The following BCL2 variants were observed in gnomAD, a reference collection of about 807,000 sequenced individuals.
BCL2 encodes the protein apoptosis regulator Bcl-2.
A neutral mutation model predicts 14.2 loss-of-function variants in BCL2; 1 was observed. The ratio of observed to expected loss-of-function variants is 0.07; its 90% CI spans 0.02 to 0.33. The LOEUF (loss-of-function observed/expected upper bound fraction) is 0.33. BCL2 is among the 10% of genes least tolerant of loss of function. The probability of loss-of-function intolerance (pLI) is 0.99; values close to 1 mark genes in which losing one functional copy is unlikely to be tolerated. For missense variants in BCL2, 247 were observed against 305.9 expected, an observed-to-expected ratio of 0.81 and a Z score of 1.44; for synonymous variants, 151 against 137.2, an observed-to-expected ratio of 1.10 and a Z score of -0.70.
intron 2 of BCL2, among the ~76,000 whole-genome samples, chr18:63,186,015 G>C (rs1915586527): frequency 1.3e-5 from 2 of 152,358 alleles, no homozygotes; most frequent in Admixed American, 1.3e-4. Flanking sequence ...GGGAGTGGTT[G>C]TTTGATATGG....
chr18:63,203,205 T>C (rs149713860), intron 2 of BCL2, among the ~76,000 whole-genome samples: 91 of 152,290 alleles, frequency 6.0e-4, no homozygotes, highest in African/African-American at 2.2e-3. Flanking sequence ...TCTGCATCCA[T>C]TGCGGGAGGG....
intron 2 of BCL2, among the ~76,000 whole-genome samples, chr18:63,204,184 C>G (rs1457238521): frequency 6.6e-6 from 1 of 152,146 alleles, no homozygotes; most frequent in Non-Finnish European, 1.5e-5. Context: ...TCTGCAATAC[C>G]AAAAGACTGG....
intron 2 of BCL2, among the ~76,000 whole-genome samples, chr18:63,281,666 C>CAGAA (rs11271898): frequency 0.04 from 3,520 of 88,246 alleles, 119 homozygotes; most frequent in African/African-American, 0.064. Flanking sequence ...GACCTTGTCT[C>CAGAA]AGAAAGAAAG....
chr18:63,155,810 C>G (rs984480459), intron 2 of BCL2, among the ~76,000 whole-genome samples: 1 of 152,104 alleles, frequency 6.6e-6, no homozygotes, highest in African/African-American at 2.4e-5. Flanking sequence ...CACCTTGAAC[C>G]CTCTCCTTTC....
At chr18:63,309,187 C>T (rs561921628) in intron 2 of BCL2, among the ~76,000 whole-genome samples, 1 of 152,248 alleles carries the variant, frequency 6.6e-6, no homozygotes, top group Admixed American at 6.5e-5. Flanking sequence ...AAACAACAGT[C>T]GCAAACTAAG....
chr18:63,249,343 C>A (rs1304367199), intron 2 of BCL2, among the ~76,000 whole-genome samples: 1 of 152,220 alleles, frequency 6.6e-6, no homozygotes, highest in Non-Finnish European at 1.5e-5. Context: ...CTAGTCTCAA[C>A]TTAATGCTTC....
At position 63,318,551 on chromosome 18, in the gene BCL2, G is replaced by A. The variant is rs1224885133; in HGVS notation, c.116C>T (p.Pro39Leu). The A allele has an allele frequency of 6.3e-7, 1 of 1,589,682 alleles. No homozygotes were observed. Among genetic ancestry groups the A allele is most frequent in the East Asian group, 2.4e-5 (1 of 41,940 alleles). The change falls in exon 2 of 3, where the codon CCC becomes CTC. Residue 39 changes from proline (P) to leucine (L), a missense_variant. By Grantham distance (98) the Pro-to-Leu change is moderately conservative (BLOSUM62 -3). Transcript: ENST00000333681. This position sits in a 1 kb window ranked among gnomAD's most constrained non-coding sequence, Gnocchi z 7.4. ...EWDAGDVGAA[P>L]PGAAPAPGIF... ...GCCCGGTGCGGGGGCGGCCCCCGGG[G>A]GCGCGGCGCCCACATCTCCCGCATC...
intron 2 of BCL2, among the ~76,000 whole-genome samples, chr18:63,312,747 G>C (rs1462605423): frequency 6.6e-6 from 1 of 152,182 alleles, no homozygotes; most frequent in African/African-American, 2.4e-5. Flanking sequence ...TGGCATACAA[G>C]AGTTATTTAA....
chr18:63,127,534 G>C lies in BCL2; in HGVS notation c.*1091C>G, dbSNP rs1913942827. 1 of 231,622 alleles carries C rather than the reference G, an allele frequency of 4.3e-6. No individual in the cohort carries two copies. Among genetic ancestry groups the C allele is most frequent in the East Asian group, 6.1e-5 (1 of 16,498 alleles). 14.3% of individuals were successfully genotyped at this position (231,622 alleles called of 1,614,324 possible). ...GACAGTGGAATTCTGAGCTCCATCA[G>C]CTTCCAGACATTCGGAGACCACACT... On this transcript the variant is annotated 3_prime_UTR_variant, in exon 3 of 3. Transcript: ENST00000333681.
At chr18:63,262,141 T>A (rs1911679270) in intron 2 of BCL2, among the ~76,000 whole-genome samples, 1 of 152,174 alleles carries the variant, frequency 6.6e-6, no homozygotes, top group African/African-American at 2.4e-5. Flanking sequence ...GGTCTTGAAC[T>A]CCTGGCTTCA....
intron 2 of BCL2, among the ~76,000 whole-genome samples, chr18:63,212,996 T>C (rs890893874): frequency 2.0e-5 from 3 of 152,294 alleles, no homozygotes; most frequent in African/African-American, 7.2e-5. Flanking sequence ...AATACACCTT[T>C]CCCCTAACTC....
intron 2 of BCL2, among the ~76,000 whole-genome samples, chr18:63,198,964 C>T (rs1434229283): frequency 4.6e-5 from 7 of 151,404 alleles, no homozygotes; most frequent in Non-Finnish European, 8.9e-5. Context: ...CACACAGACA[C>T]ACACTGACAC....
chr18:63,231,090 A>T (rs141686534), intron 2 of BCL2, among the ~76,000 whole-genome samples: 42 of 152,202 alleles, frequency 2.8e-4, no homozygotes, highest in African/African-American at 9.9e-4. Flanking sequence ...TCAACATTAG[A>T]AAATCTTAAT....
chr18:63,227,083 G>A (rs916729512), intron 2 of BCL2, among the ~76,000 whole-genome samples: 5 of 151,240 alleles, frequency 3.3e-5, no homozygotes, highest in Non-Finnish European at 7.4e-5. Context: ...ATATGAGAGA[G>A]AGAGAGAGAA....
intron 2 of BCL2, among the ~76,000 whole-genome samples, chr18:63,251,570 G>A (rs901555910): frequency 6.7e-6 from 1 of 149,604 alleles, no homozygotes; most frequent in African/African-American, 2.4e-5. Flanking sequence ...GCGTGAACCC[G>A]GGAGGCGGAG....
intron 2 of BCL2, among the ~76,000 whole-genome samples, chr18:63,210,970 G>A (rs1438917430): frequency 6.6e-6 from 1 of 151,408 alleles, no homozygotes. Flanking sequence ...CAAGTCTCAC[G>A]CTCAAATCCT....
At chr18:63,137,567 C>G (rs1406853602) in intron 2 of BCL2, among the ~76,000 whole-genome samples, 4 of 151,154 alleles carry the variant, frequency 2.6e-5, no homozygotes, top group Admixed American at 1.3e-4. Context: ...CTTTTTTTTT[C>G]TTTCAGCAGC....
chr18:63,274,316 T>A (rs1446072728), intron 2 of BCL2, among the ~76,000 whole-genome samples: 2 of 135,984 alleles, frequency 1.5e-5, no homozygotes, highest in African/African-American at 5.5e-5. Context: ...GGAGTCTTGC[T>A]CTGTCACCCA....
At chr18:63,260,345 A>G (rs1343387764) in intron 2 of BCL2, among the ~76,000 whole-genome samples, 2 of 152,206 alleles carry the variant, frequency 1.3e-5, no homozygotes, top group Non-Finnish European at 2.9e-5. Flanking sequence ...ACATGGCAAT[A>G]TCTTTTGGAT....
Sources: gnomAD v4.1 joint callset for allele counts (sites outside exome capture counted in the v4.1 genomes callset) on GRCh38, gnomAD v4.1.1 for gene constraint, Gnocchi (gnomAD v3.1) non-coding constraint, MANE v1.5 for transcripts, NCBI Gene and HGNC (gene_info 2026-07-23, HGNC 2026-07-21) for gene names.